Variants in LSAMP observed in about 807,000 individuals in gnomAD.
LSAMP encodes the protein limbic system-associated membrane protein.
Under a neutral mutation model 38.6 loss-of-function variants are expected in LSAMP, and 7 were observed. That is an observed-to-expected ratio of 0.18 (90% confidence interval 0.10 to 0.34). The LOEUF (loss-of-function observed/expected upper bound fraction) is 0.34, where lower values mean the gene tolerates loss of function less well. LSAMP is among the 10% of genes least tolerant of loss of function. The pLI, the probability that LSAMP is intolerant of heterozygous loss-of-function variation, is 1.00. For missense variants in LSAMP, 313 were observed against 420.0 expected (o/e 0.75, Z 2.23); for synonymous variants, 154 against 166.8 (o/e 0.92, Z 0.59).
chr3:116,087,246 C>A (rs1340197248), intron 1 of LSAMP, among the ~76,000 whole-genome samples: 1 of 152,188 alleles, frequency 6.6e-6, no homozygotes, highest in Non-Finnish European at 1.5e-5. Flanking sequence ...TGCAGGCAAT[C>A]TTTAACAAAG....
chr3:116,095,787 A>T (rs1708213774), intron 1 of LSAMP, among the ~76,000 whole-genome samples: 1 of 152,204 alleles, frequency 6.6e-6, no homozygotes, highest in African/African-American at 2.4e-5. Flanking sequence ...ACGTCAGAAA[A>T]ATAAATCATT....
chr3:116,321,005 T>C (rs533525902), intron 1 of LSAMP, among the ~76,000 whole-genome samples: 1 of 152,278 alleles, frequency 6.6e-6, no homozygotes, highest in East Asian at 1.9e-4. Context: ...GGTGAGGGTA[T>C]CTTCGCATAG....
At chr3:116,195,833 G>T (rs1409985820) in intron 1 of LSAMP, among the ~76,000 whole-genome samples, 5 of 151,972 alleles carry the variant, frequency 3.3e-5, no homozygotes, top group African/African-American at 1.2e-4. Context: ...ATATTAGATT[G>T]TTCCTAGTCC....
intron 3 of LSAMP, among the ~76,000 whole-genome samples, chr3:115,955,216 G>C (rs1442519849): frequency 1.3e-5 from 2 of 152,158 alleles, no homozygotes; most frequent in South Asian, 2.1e-4. Context: ...TTACAGGCGT[G>C]AGCCACCGCG....
chr3:116,083,946 T>C (rs149253117), intron 2 of LSAMP, among the ~76,000 whole-genome samples: 1 of 152,306 alleles, frequency 6.6e-6, no homozygotes, highest in Admixed American at 6.5e-5. Context: ...CCTTGGCGAC[T>C]CAGGCTCAAG....
intron 6 of LSAMP, among the ~76,000 whole-genome samples, chr3:115,828,989 C>G (rs1934520373): frequency 6.6e-6 from 1 of 152,152 alleles, no homozygotes; most frequent in Non-Finnish European, 1.5e-5. Context: ...CTAGAAAGGA[C>G]TAAACATTCT....
chr3:116,192,755 C>G (rs925478304), intron 1 of LSAMP, among the ~76,000 whole-genome samples: 3 of 152,144 alleles, frequency 2.0e-5, no homozygotes, highest in African/African-American at 7.2e-5. Context: ...CTGTGCTACT[C>G]CATGTTTCCA....
intron 1 of LSAMP, among the ~76,000 whole-genome samples, chr3:116,377,250 C>A (rs189477394): frequency 8.8e-4 from 134 of 152,022 alleles, no homozygotes; most frequent in Non-Finnish European, 1.7e-3. Flanking sequence ...CTTCAACAGG[C>A]CCAAGTGTAT....
chr3:116,430,643 C>G (rs1559865645), intron 1 of LSAMP, among the ~76,000 whole-genome samples: 1 of 151,848 alleles, frequency 6.6e-6, no homozygotes, highest in Non-Finnish European at 1.5e-5. Context: ...CTTCTAATTC[C>G]TTCTTATAAT....
chr3:116,279,593 T>C (rs2047100004), intron 1 of LSAMP, among the ~76,000 whole-genome samples: 1 of 152,214 alleles, frequency 6.6e-6, no homozygotes, highest in South Asian at 2.1e-4. Context: ...TTGGAAAATA[T>C]GTGCTTGCCT....
chr3:115,842,421 C>A, intron 5 of LSAMP, 37 bp downstream of exon 5: 1 of 1,607,976 alleles, frequency 6.2e-7, no homozygotes, highest in Non-Finnish European at 8.5e-7. Flanking sequence ...CAGGCCCATG[C>A]AGTGGAGTCA....
Position 115,810,245 on chromosome 3 carries a change from G to GTCTCTC in LSAMP, c.*66_*71dup, listed in dbSNP as rs34933256. 5.0e-4 allele frequency: 420 copies of GTCTCTC among 839,898 alleles called. No homozygotes were observed. The East Asian group carries it at 0.011, about 22-fold the overall frequency. 52.0% of individuals were successfully genotyped at this position (839,898 alleles called of 1,614,324 possible). On this transcript the variant is annotated 3_prime_UTR_variant, in exon 7 of 7. Transcript: ENST00000490035. ...CATCTCTCTCTCTCTCTCTCTCTCTGTCTCTCTCTCTCTGTATTCTGTGTG... is the reference window on the plus strand; with the variant it reads ...CATCTCTCTCTCTCTCTCTCTCTCTGTCTCTCTCTCTCTCTCTCTGTATTCTGTGTG...
At chr3:116,328,603 G>C (rs2047806121) in intron 1 of LSAMP, among the ~76,000 whole-genome samples, 1 of 152,106 alleles carries the variant, frequency 6.6e-6, no homozygotes, top group African/African-American at 2.4e-5. Context: ...GGGGGAATCA[G>C]TCATAATAAA....
intron 1 of LSAMP, among the ~76,000 whole-genome samples, chr3:116,236,396 G>T (rs1299318836): frequency 1.3e-5 from 2 of 151,958 alleles, no homozygotes; most frequent in Admixed American, 1.3e-4. Context: ...TTTGTTTTAA[G>T]GTTCATGTTA....
At chr3:116,411,598 G>A (rs193005644) in intron 1 of LSAMP, among the ~76,000 whole-genome samples, 30 of 136,706 alleles carry the variant, frequency 2.2e-4, no homozygotes, top group Middle Eastern at 3.8e-3. Flanking sequence ...GACACAGGAA[G>A]GGGAACATCT....
intron 1 of LSAMP, among the ~76,000 whole-genome samples, chr3:116,179,807 C>T (rs951614168): frequency 6.6e-6 from 1 of 152,108 alleles, no homozygotes; most frequent in Non-Finnish European, 1.5e-5. Context: ...GATAAAAATC[C>T]AAACCATATC....
chr3:116,389,091 T>C (rs550223889), intron 1 of LSAMP, among the ~76,000 whole-genome samples: 1 of 152,168 alleles, frequency 6.6e-6, no homozygotes, highest in Non-Finnish European at 1.5e-5. Flanking sequence ...CTTGGAGGGA[T>C]GGGAAAAAGG....
At chr3:116,255,342 A>G (rs1371548709) in intron 1 of LSAMP, among the ~76,000 whole-genome samples, 1 of 152,210 alleles carries the variant, frequency 6.6e-6, no homozygotes, top group Non-Finnish European at 1.5e-5. Context: ...CAAGAGAGAG[A>G]AAGAACATGG....
At chr3:116,353,329 C>T (rs1223830083) in intron 1 of LSAMP, among the ~76,000 whole-genome samples, 3 of 152,116 alleles carry the variant, frequency 2.0e-5, no homozygotes, top group Non-Finnish European at 4.4e-5. Context: ...TCAATTAACT[C>T]TGGCTAGTTC....
Sources: allele counts gnomAD v4.1 joint callset (sites outside exome capture counted in the v4.1 genomes callset), GRCh38; gene constraint gnomAD v4.1.1; transcripts MANE v1.5; gene names NCBI Gene and HGNC (gene_info 2026-07-23, HGNC 2026-07-21).